RBMS3: variants seen among roughly 807,000 people sequenced by gnomAD.
RBMS3 encodes the protein RNA-binding motif, single-stranded-interacting protein 3.
RBMS3 carries 27 observed loss-of-function variants against 66.8 expected under a neutral mutation model. That is an observed-to-expected ratio of 0.40 (90% CI 0.30 to 0.56). The LOEUF (loss-of-function observed/expected upper bound fraction) is 0.56. Ranked by LOEUF, RBMS3 falls within the 20% of genes least tolerant of loss-of-function variation. The pLI is 0.40. For synonymous variants in RBMS3, 188 were observed against 183.0 expected (o/e 1.03, Z -0.22); for missense variants, 513 against 549.5 (o/e 0.93, Z 0.66).
intron 1 of RBMS3, among the ~76,000 whole-genome samples, chr3:29,361,064 T>A (rs1178192802): frequency 1.3e-5 from 2 of 152,052 alleles, no homozygotes; most frequent in African/African-American, 4.8e-5. Flanking sequence ...GTTAATATTG[T>A]TATGTGTGAA....
chr3:29,983,289 T>G (rs1405313705), intron 12 of RBMS3, among the ~76,000 whole-genome samples: 3 of 151,554 alleles, frequency 2.0e-5, no homozygotes, highest in Non-Finnish European at 4.4e-5. Context: ...TCCATTCCTT[T>G]ATTTTGAGCC....
At chr3:29,640,403 A>G (rs1323295348) in intron 4 of RBMS3, among the ~76,000 whole-genome samples, 1 of 151,890 alleles carries the variant, frequency 6.6e-6, no homozygotes, top group South Asian at 2.1e-4. Context: ...AGCTTCGGGG[A>G]TCATTCTTAG....
chr3:29,848,972 G>C (rs1352058176), intron 6 of RBMS3, among the ~76,000 whole-genome samples: 1 of 152,124 alleles, frequency 6.6e-6, no homozygotes, highest in Non-Finnish European at 1.5e-5. Flanking sequence ...TCATTTTCTA[G>C]ATCTTTTGTA....
intron 2 of RBMS3, among the ~76,000 whole-genome samples, chr3:29,478,279 A>G (rs1353447063): frequency 6.6e-6 from 1 of 152,174 alleles, no homozygotes; most frequent in African/African-American, 2.4e-5. Context: ...ATAAAAATTT[A>G]TATTTCACAG....
intron 6 of RBMS3, among the ~76,000 whole-genome samples, chr3:29,786,429 A>ATAAAT (rs763352749): frequency 2.6e-5 from 4 of 152,216 alleles, no homozygotes; most frequent in Middle Eastern, 3.2e-3. Flanking sequence ...GCATCACATT[A>ATAAAT]GGTGACTTCA....
intron 3 of RBMS3, among the ~76,000 whole-genome samples, chr3:29,503,984 G>T (rs945058166): frequency 3.9e-5 from 6 of 152,074 alleles, no homozygotes; most frequent in Admixed American, 3.3e-4. Context: ...GCTCTGTGCG[G>T]CCTTGTTTGG....
At chr3:29,691,947 C>CTCTCTCTCTCTTTTTTTTTT (rs1218393454) in intron 4 of RBMS3, among the ~76,000 whole-genome samples, 3 of 53,548 alleles carry the variant, frequency 5.6e-5, no homozygotes, top group African/African-American at 1.5e-4. Flanking sequence ...CTCTCTCTCT[C>CTCTCTCTCTCTTTTTTTTTT]TATTTTTTTT....
chr3:29,350,162 A>G (rs2036823252), intron 1 of RBMS3, among the ~76,000 whole-genome samples: 1 of 26,568 alleles, frequency 3.8e-5, no homozygotes, highest in Non-Finnish European at 8.6e-5. Flanking sequence ...ACTCCATCTG[A>G]AAAAAAAAAA....
chr3:29,382,953 G>A (rs997419023), intron 1 of RBMS3, among the ~76,000 whole-genome samples: 10 of 152,042 alleles, frequency 6.6e-5, no homozygotes, highest in Non-Finnish European at 1.0e-4. Flanking sequence ...TATGAATGAC[G>A]CCTCTGATCA....
chr3:29,423,296 C>T (rs2040823047), intron 1 of RBMS3, among the ~76,000 whole-genome samples: 1 of 152,164 alleles, frequency 6.6e-6, no homozygotes, highest in South Asian at 2.1e-4. Context: ...AGCAATTTTA[C>T]AATTTAGATG....
chr3:29,456,291 T>A (rs1293894313), intron 2 of RBMS3, among the ~76,000 whole-genome samples: 1 of 152,124 alleles, frequency 6.6e-6, no homozygotes, highest in Non-Finnish European at 1.5e-5. Context: ...AGTGAGAAAA[T>A]TTTAAAACAT....
intron 3 of RBMS3, among the ~76,000 whole-genome samples, chr3:29,521,671 C>T (rs959491356): frequency 1.3e-5 from 2 of 152,186 alleles, no homozygotes; most frequent in Non-Finnish European, 2.9e-5. Context: ...TTGTGTTCAG[C>T]CTGTTCTTAC....
At chr3:29,340,561 A>C (rs1163330136) in intron 1 of RBMS3, among the ~76,000 whole-genome samples, 1 of 152,142 alleles carries the variant, frequency 6.6e-6, no homozygotes. Context: ...CGTCAGTTCC[A>C]AGTTTGTACT....
chr3:30,009,970 G>A lies in RBMS3; in HGVS notation c.*6108G>A, dbSNP rs1323506686. ...TATTTGAAAAAGTTTTCTCTATTCT[G>A]GACACAAATGCTTCCATTTATTTCA... On this transcript the variant is annotated 3_prime_UTR_variant, in exon 15 of 15. Transcript: ENST00000383767. 3 of 151,110 alleles carry A rather than the reference G, an allele frequency of 2.0e-5. No homozygotes were observed. Among genetic ancestry groups the A allele is most frequent in the Admixed American group, 2.0e-4 (3 of 15,164 alleles). 9.4% of individuals were successfully genotyped at this position (151,110 alleles called of 1,614,324 possible).
intron 6 of RBMS3, among the ~76,000 whole-genome samples, chr3:29,813,966 C>G (rs1256754272): frequency 1.3e-5 from 2 of 151,982 alleles, no homozygotes; most frequent in Non-Finnish European, 2.9e-5. Context: ...ATTGAATACC[C>G]TTTATTTCCT....
At chr3:29,942,018 T>C (rs2061404325) in intron 11 of RBMS3, among the ~76,000 whole-genome samples, 1 of 151,684 alleles carries the variant, frequency 6.6e-6, no homozygotes, top group Admixed American at 6.6e-5. Flanking sequence ...GAAGTTATAG[T>C]TTTGAGAAGC....
At position 29,679,190 on chromosome 3, in the gene RBMS3, T is replaced by C. The variant is rs180683135; in HGVS notation, c.400-60530T>C. ...ATGCTCTCCAGATGAGTTTTATGCATGATAAAGTTTGAAAAACCACTGATA... is the reference window on the plus strand; with the variant it reads ...ATGCTCTCCAGATGAGTTTTATGCACGATAAAGTTTGAAAAACCACTGATA... On this transcript the variant is annotated intron_variant, in intron 4 of 14. Transcript: ENST00000383767. 3.2e-3 allele frequency among the ~76,000 whole-genome samples: 482 copies of C among 152,240 alleles called. 3 individuals are homozygous for C. The highest frequency in any genetic ancestry group is 0.011 in the African/African-American group (463 of 41,536).
intron 2 of RBMS3, among the ~76,000 whole-genome samples, chr3:29,444,048 C>A (rs1486995107): frequency 6.6e-6 from 1 of 152,052 alleles, no homozygotes; most frequent in East Asian, 1.9e-4. Flanking sequence ...CTGTATTATA[C>A]ATCTAAAATG....
intron 4 of RBMS3, among the ~76,000 whole-genome samples, chr3:29,735,438 A>G (rs1182369433): frequency 6.6e-6 from 1 of 152,206 alleles, no homozygotes; most frequent in East Asian, 1.9e-4. Flanking sequence ...AAATCCTTGT[A>G]CAAATGAAAA....
Sources: allele counts gnomAD v4.1 joint callset (sites outside exome capture counted in the v4.1 genomes callset), GRCh38; gene constraint gnomAD v4.1.1; transcripts MANE v1.5; gene names NCBI Gene and HGNC (gene_info 2026-07-23, HGNC 2026-07-21).